Variants in SDK2 observed in about 807,000 individuals in gnomAD.
SDK2 encodes the protein protein sidekick-2.
Under a neutral mutation model 253.9 loss-of-function variants are expected in SDK2, and 105 were observed. That is an observed-to-expected ratio of 0.41 (90% confidence interval 0.35 to 0.49). SDK2 has a LOEUF of 0.49. SDK2 is among the 20% of genes least tolerant of loss of function. The pLI is 0.06. For missense variants in SDK2, 2,608 were observed against 3,003.0 expected (o/e 0.87, Z 3.07); for synonymous variants, 1,249 against 1,234.9 (o/e 1.01, Z -0.24).
chr17:73,520,817 T>C (rs34894957), intron 1 of SDK2: 18,672 of 152,260 alleles, frequency 0.12, 1,819 homozygotes, highest in African/African-American at 0.27. Context: ...AGGTCAACTA[T>C]TGTATGATGC....
intron 39 of SDK2, among the ~76,000 whole-genome samples, chr17:73,359,759 C>T (rs980204267): frequency 6.6e-6 from 1 of 152,192 alleles, no homozygotes; most frequent in Non-Finnish European, 1.5e-5. Context: ...GATTCTCCCA[C>T]GACAGCCTCC....
intron 2 of SDK2, among the ~76,000 whole-genome samples, chr17:73,490,894 C>T (rs1268498055): frequency 6.6e-6 from 1 of 152,102 alleles, no homozygotes; most frequent in South Asian, 2.1e-4. Flanking sequence ...CCTACGAGGT[C>T]AGAAATAATA....
Position 73,369,424 on chromosome 17 carries a change from C to T in SDK2, c.4981-831G>A, listed in dbSNP as rs139185270. ...AGGCCTCGGCCAAGACGGCGGGCAG[C>T]GGGAGGCTGAATCCCAGCTGCACCG... On this transcript the variant is annotated intron_variant, in intron 36 of 44. Transcript: ENST00000392650. Among the ~76,000 whole-genome samples, 267 of 152,354 alleles carry T rather than the reference C, an allele frequency of 1.8e-3. 2 individuals carry two copies. Among genetic ancestry groups the T allele is most frequent in the African/African-American group, 5.9e-3 (246 of 41,576 alleles).
At chr17:73,407,070 G>T (rs2063085077) in intron 18 of SDK2, among the ~76,000 whole-genome samples, 1 of 152,196 alleles carries the variant, frequency 6.6e-6, no homozygotes, top group Admixed American at 6.5e-5. Flanking sequence ...TTGAAAGTGT[G>T]AGTATCTATA....
intron 1 of SDK2, among the ~76,000 whole-genome samples, chr17:73,611,748 C>T (rs147663351): frequency 1.7e-3 from 266 of 152,356 alleles, no homozygotes; most frequent in African/African-American, 6.0e-3. Context: ...ACCCACTCCA[C>T]GCTCCTCCTA....
Position 73,352,494 on chromosome 17 carries a change from T to C in SDK2, c.5737A>G (p.Ser1913Gly). 6.2e-7 allele frequency: 1 copy of C among 1,613,554 alleles called. No individual in the cohort carries two copies. Among genetic ancestry groups the C allele is most frequent in the East Asian group, 2.2e-5 (1 of 44,882 alleles). ...VNDYGFGTPSSPSQSVPAQKA... is the reference protein window; with the variant it reads ...VNDYGFGTPSGPSQSVPAQKA... ...GTACCTGGCACAGACTGGGAGGGGC[T>C]GCTGGGGGTGCCGAAACCATAGTCG... is the stretch of plus-strand genomic sequence containing the variant. Residue 1913 changes from serine to glycine, a missense_variant, in exon 41 of 45, where the codon AGC becomes GGC. This residue lies in a region of SDK2 where 1,103 missense variants were observed against 1,143.9 expected (regional missense o/e 0.96). Transcript: ENST00000392650. The surrounding 1 kb of genome is among the most constrained non-coding windows in gnomAD (Gnocchi z 4.1).
At chr17:73,600,973 C>T (rs1440274498) in intron 1 of SDK2, among the ~76,000 whole-genome samples, 1 of 152,016 alleles carries the variant, frequency 6.6e-6, no homozygotes, top group Admixed American at 6.6e-5. Flanking sequence ...GGCCTCAGGG[C>T]CTTTGGTGCC....
At chr17:73,584,984 G>A (rs2045585600) in intron 1 of SDK2, among the ~76,000 whole-genome samples, 1 of 152,246 alleles carries the variant, frequency 6.6e-6, no homozygotes, top group Non-Finnish European at 1.5e-5. Flanking sequence ...TCCAGTGGAA[G>A]ATTAAAGGCT....
Position 73,642,371 on chromosome 17 carries a change from T to A in SDK2, c.64+1654A>T, listed in dbSNP as rs1183919060. 6.6e-6 allele frequency among the ~76,000 whole-genome samples: 1 copy of A among 152,216 alleles called. No individual in the cohort carries two copies. The highest frequency in any genetic ancestry group is 2.4e-5 in the African/African-American group (1 of 41,454). Reference sequence around the variant, plus strand: ...AAGTTAGAAGGGTCCAGACAGATGCTGGCATCCCGTCCCTCCACGCCGTCC... The same window carrying A: ...AAGTTAGAAGGGTCCAGACAGATGCAGGCATCCCGTCCCTCCACGCCGTCC... On this transcript the variant is annotated intron_variant, in intron 1 of 44. Transcript: ENST00000392650. This position sits in a 1 kb window ranked among gnomAD's most constrained non-coding sequence, Gnocchi z 4.7.
chr17:73,557,702 T>C (rs558871934), intron 1 of SDK2, among the ~76,000 whole-genome samples: 1 of 152,284 alleles, frequency 6.6e-6, no homozygotes, highest in East Asian at 1.9e-4. Context: ...CTAATCTCCC[T>C]CTTTTCTTTC....
chr17:73,338,648 G>C lies in SDK2; in HGVS notation c.6458C>G (p.Pro2153Arg). ...GGAGCCTGGGGCCAGGCTGCTGGGG[G>C]GACGGTAGAGGGTGCTCTGCTGACT... ...PPSQQSTLYR[P>R]PSSLAPGSRA... Residue 2153 changes from proline to arginine, a missense_variant, in exon 45 of 45, where the codon CCC becomes CGC. Transcript: ENST00000392650. The surrounding 1 kb of genome is among the most constrained non-coding windows in gnomAD (Gnocchi z 5.0). 1 of 1,547,550 alleles carries C rather than the reference G, an allele frequency of 6.5e-7. No individual in the cohort carries two copies. The highest frequency in any genetic ancestry group is 8.7e-7 in the Non-Finnish European group (1 of 1,150,496).
chr17:73,438,651 CA>C (rs1272086312), intron 6 of SDK2, among the ~76,000 whole-genome samples: 1 of 145,298 alleles, frequency 6.9e-6, no homozygotes, highest in Admixed American at 6.9e-5. Context: ...GACAGACAGA[CA>C]GACAGAAAAA....
intron 2 of SDK2, among the ~76,000 whole-genome samples, chr17:73,483,659 G>A (rs1287330553): frequency 7.1e-5 from 2 of 28,096 alleles, no homozygotes; most frequent in African/African-American, 2.1e-4. Flanking sequence ...GTGTGTGTGT[G>A]TGTATATATA....
In SDK2 at chr17:73,496,703, T is replaced by C. The variant is rs976497653; in HGVS notation, c.224+10735A>G. On this transcript the variant is annotated intron_variant, in intron 2 of 44. Coordinates refer to ENST00000392650, the MANE Select transcript of SDK2 (RefSeq NM_001144952.2). This position sits in a 1 kb window ranked among gnomAD's most constrained non-coding sequence, Gnocchi z 4.7. ...TGGGTCAGCCATGTCTCCCACTTCC[T>C]AGGGCAACTGGCTCAACCTGTCATG... is the stretch of plus-strand genomic sequence containing the variant. Among the ~76,000 whole-genome samples, 1 of 152,072 alleles carries C rather than the reference T, an allele frequency of 6.6e-6. No individual in the cohort carries two copies. The highest frequency in any genetic ancestry group is 1.5e-5 in the Non-Finnish European group (1 of 67,994).
At chr17:73,573,361 C>T (rs2045414148) in intron 1 of SDK2, among the ~76,000 whole-genome samples, 1 of 152,126 alleles carries the variant, frequency 6.6e-6, no homozygotes, top group East Asian at 1.9e-4. Flanking sequence ...CTCACTGCTG[C>T]ACCAGGGAAA....
chr17:73,614,566 T>G (rs1377725788), intron 1 of SDK2, among the ~76,000 whole-genome samples: 7 of 94,326 alleles, frequency 7.4e-5, no homozygotes, highest in Admixed American at 1.3e-4. Context: ...GGACAAGGAT[T>G]GAAAAGGGGG....
intron 4 of SDK2, among the ~76,000 whole-genome samples, chr17:73,452,472 T>TGA (rs1253434799): frequency 6.6e-6 from 1 of 152,094 alleles, no homozygotes; most frequent in Non-Finnish European, 1.5e-5. Flanking sequence ...GGGGTGTGTG[T>TGA]GACCAGGGAG....
At chr17:73,611,977 A>G (rs1165013705) in intron 1 of SDK2, among the ~76,000 whole-genome samples, 2 of 152,116 alleles carry the variant, frequency 1.3e-5, no homozygotes, top group Non-Finnish European at 2.9e-5. Context: ...CAGAGACTGT[A>G]AGTACCACAG....
intron 3 of SDK2, among the ~76,000 whole-genome samples, chr17:73,457,672 T>C (rs1290765276): frequency 1.3e-5 from 2 of 151,870 alleles, no homozygotes; most frequent in Non-Finnish European, 2.9e-5. Context: ...AAGCCATCAC[T>C]AGGATGTGCC....
Sources: gnomAD v4.1 joint callset for allele counts (sites outside exome capture counted in the v4.1 genomes callset) on GRCh38, gnomAD v4.1.1 for gene constraint, gnomAD v4.1.1 regional missense constraint, Gnocchi (gnomAD v3.1) non-coding constraint, MANE v1.5 for transcripts, NCBI Gene and HGNC (gene_info 2026-07-23, HGNC 2026-07-21) for gene names.